Variants in GPC6 observed in about 807,000 individuals in gnomAD.
GPC6 encodes the protein glypican 6, also known as glypican-6.
Under a neutral mutation model 55.2 loss-of-function variants are expected in GPC6, and 14 were observed. That is an observed-to-expected ratio of 0.25 (90% CI 0.17 to 0.40). The LOEUF (loss-of-function observed/expected upper bound fraction) is 0.40. Among genes scored for constraint, GPC6 ranks in the 10% least tolerant of loss-of-function variants. GPC6 has a pLI of 1.00. For missense variants in GPC6, 641 were observed against 708.5 expected, an observed-to-expected ratio of 0.90 and a Z score of 1.08; for synonymous variants, 278 against 259.6, an observed-to-expected ratio of 1.07 and a Z score of -0.68.
chr13:94,213,496 T>C (rs1000497568), intron 4 of GPC6, among the ~76,000 whole-genome samples: 4 of 152,164 alleles, frequency 2.6e-5, no homozygotes, highest in African/African-American at 9.7e-5. Context: ...GGGATCAGCT[T>C]TTGGGGCTTA....
chr13:93,446,897 T>G (rs1048399100), intron 1 of GPC6, among the ~76,000 whole-genome samples: 8 of 151,034 alleles, frequency 5.3e-5, no homozygotes, highest in Non-Finnish European at 1.2e-4. Context: ...TTTATGAAAA[T>G]AAAAAAAGAA....
At chr13:93,887,342 T>G (rs578249233) in intron 3 of GPC6, among the ~76,000 whole-genome samples, 75 of 152,110 alleles carry the variant, frequency 4.9e-4, no homozygotes, top group African/African-American at 1.8e-3. Flanking sequence ...TCATGTAGCT[T>G]TGGAACTTAA....
At chr13:93,919,941 A>G (rs966928641) in intron 3 of GPC6, among the ~76,000 whole-genome samples, 5 of 152,120 alleles carry the variant, frequency 3.3e-5, no homozygotes, top group Non-Finnish European at 7.4e-5. Flanking sequence ...CTCACTCCAC[A>G]AACTTCCTGT....
At chr13:93,807,642 G>A (rs1471663424) in intron 2 of GPC6, among the ~76,000 whole-genome samples, 1 of 152,162 alleles carries the variant, frequency 6.6e-6, no homozygotes. Context: ...GTCTAACAGA[G>A]GCCAATGACT....
intron 1 of GPC6, among the ~76,000 whole-genome samples, chr13:93,428,984 C>T (rs904658980): frequency 6.6e-6 from 1 of 152,046 alleles, no homozygotes; most frequent in African/African-American, 2.4e-5. Flanking sequence ...TATAGCATCC[C>T]TTGATCTTGG....
chr13:93,939,876 C>CT (rs935448068), intron 3 of GPC6, among the ~76,000 whole-genome samples: 1 of 151,978 alleles, frequency 6.6e-6, no homozygotes, highest in Non-Finnish European at 1.5e-5. Flanking sequence ...AATCTAAAAG[C>CT]TTTTTTTCAG....
chr13:94,092,013 C>T (rs759369627), intron 4 of GPC6, among the ~76,000 whole-genome samples: 21 of 148,358 alleles, frequency 1.4e-4, no homozygotes, highest in African/African-American at 3.2e-4. Context: ...TATATATTTG[C>T]GGTGTAAAAT....
intron 6 of GPC6, among the ~76,000 whole-genome samples, chr13:94,323,554 A>G (rs967398871): frequency 3.9e-5 from 6 of 152,194 alleles, no homozygotes; most frequent in African/African-American, 1.4e-4. Flanking sequence ...GCATATGGAC[A>G]TAAAGTGTGG....
intron 1 of GPC6, among the ~76,000 whole-genome samples, chr13:93,330,942 A>G (rs1039795031): frequency 3.3e-5 from 5 of 152,198 alleles, no homozygotes; most frequent in African/African-American, 1.2e-4. Flanking sequence ...AATTAGCCTG[A>G]TTATCATAAG....
At chr13:94,355,956 A>G (rs1002375242) in intron 6 of GPC6, among the ~76,000 whole-genome samples, 5 of 151,714 alleles carry the variant, frequency 3.3e-5, no homozygotes, top group Admixed American at 2.6e-4. Flanking sequence ...AACAGGCCCC[A>G]GTGTGTATTG....
At chr13:93,242,703 C>G (rs1013802358) in intron 1 of GPC6, among the ~76,000 whole-genome samples, 16 of 152,140 alleles carry the variant, frequency 1.1e-4, no homozygotes, top group Admixed American at 9.2e-4. Flanking sequence ...CTGCTCCTAG[C>G]CCACAAGCAG....
chr13:93,617,960 A>G (rs1276633355), intron 2 of GPC6, among the ~76,000 whole-genome samples: 1 of 152,120 alleles, frequency 6.6e-6, no homozygotes, highest in Non-Finnish European at 1.5e-5. Context: ...CCCATCCATT[A>G]TTAAAAGGAG....
rs139315523 is a variant in GPC6, at chr13:94,352,332, T to C, written c.1153-30082T>C. ...TACAACCTCATGGGGCTGCATGTCT[T>C]CTCTGTGCCCCTGCTAGTCCACTCT... On this transcript the variant is annotated intron_variant, in intron 6 of 8. Transcript: ENST00000377047. Among the ~76,000 whole-genome samples, 818 of 151,526 alleles carry C rather than the reference T, an allele frequency of 5.4e-3. 20 individuals are homozygous for C. Among genetic ancestry groups the C allele is most frequent in the African/African-American group, 0.019 (784 of 40,872 alleles).
At chr13:94,247,766 G>A (rs1166228644) in intron 4 of GPC6, among the ~76,000 whole-genome samples, 1 of 152,020 alleles carries the variant, frequency 6.6e-6, no homozygotes, top group Non-Finnish European at 1.5e-5. Flanking sequence ...ACTGTAATGA[G>A]AATTTTTGTA....
intron 3 of GPC6, among the ~76,000 whole-genome samples, chr13:93,901,898 T>TA (rs55752330): frequency 0.025 from 2,938 of 119,206 alleles, 33 homozygotes; most frequent in Non-Finnish European, 0.027. Context: ...GAGATTCCAT[T>TA]AAAAAAAAAA....
chr13:94,085,357 A>G (rs1224912066), intron 4 of GPC6, among the ~76,000 whole-genome samples: 1 of 151,032 alleles, frequency 6.6e-6, no homozygotes, highest in Admixed American at 6.6e-5. Flanking sequence ...GAAGAAAAAG[A>G]AAAAAGAAAA....
At chr13:93,803,054 T>C (rs890837001) in intron 2 of GPC6, among the ~76,000 whole-genome samples, 5 of 152,224 alleles carry the variant, frequency 3.3e-5, no homozygotes. Context: ...TTAGTATTCT[T>C]GCATTCATGC....
intron 2 of GPC6, among the ~76,000 whole-genome samples, chr13:93,698,144 G>A (rs970130420): frequency 6.6e-6 from 1 of 152,080 alleles, no homozygotes; most frequent in African/African-American, 2.4e-5. Flanking sequence ...TTTCTACTTC[G>A]TTGGATTCTT....
chr13:93,329,013 CTG>C (rs1879751269), intron 1 of GPC6, among the ~76,000 whole-genome samples: 1 of 152,102 alleles, frequency 6.6e-6, no homozygotes, highest in African/African-American at 2.4e-5. Flanking sequence ...GTTGTTGGAT[CTG>C]TGTGTTTTTA....
Sources: gnomAD v4.1 joint callset for allele counts (sites outside exome capture counted in the v4.1 genomes callset) on GRCh38, gnomAD v4.1.1 for gene constraint, MANE v1.5 for transcripts, NCBI Gene and HGNC (gene_info 2026-07-23, HGNC 2026-07-21) for gene names.